FTCDNL1: variants seen among roughly 807,000 people sequenced by gnomAD.
FTCDNL1 encodes the protein formiminotransferase N-terminal subdomain-containing protein.
A neutral mutation model predicts 5.9 loss-of-function variants in FTCDNL1; 11 were observed. The observed-to-expected ratio is 1.87, with a 90% CI of 1.18 to 3.10. The LOEUF (loss-of-function observed/expected upper bound fraction) is 3.10. FTCDNL1 is among the 30% of genes most tolerant of loss of function. The pLI is 0.00. For synonymous variants in FTCDNL1, 58 were observed against 24.8 expected, an observed-to-expected ratio of 2.34 and a Z score of -3.99; for missense variants, 115 against 65.5, an observed-to-expected ratio of 1.76 and a Z score of -2.61.
intron 3 of FTCDNL1, among the ~76,000 whole-genome samples, chr2:199,828,685 T>G (rs1434610449): frequency 6.6e-6 from 1 of 152,238 alleles, no homozygotes; most frequent in African/African-American, 2.4e-5. Flanking sequence ...TAGACTTGTA[T>G]TAAATAATCT....
the FTCDNL1 span, among the ~76,000 whole-genome samples, chr2:199,678,107 C>T: frequency 6.6e-6 from 1 of 152,006 alleles, no homozygotes; most frequent in South Asian, 2.1e-4. Context: ...AACAGAGTCG[C>T]TTTGGGTTTA....
rs951460378 is a variant in FTCDNL1 at position 199,810,818 on chromosome 2, C to G, written c.*1887G>C. On this transcript the variant is annotated 3_prime_UTR_variant, in exon 5 of 5. Coordinates refer to ENST00000420128, the MANE Select transcript of FTCDNL1 (RefSeq NM_001363886.2). Reference sequence around the variant, plus strand: ...TCTTCAGCATGTGATCATTCCTTAGCTACTATTTCAACATTATTTTACTGT... The same window carrying G: ...TCTTCAGCATGTGATCATTCCTTAGGTACTATTTCAACATTATTTTACTGT... Among the ~76,000 whole-genome samples, 2 of 152,186 alleles carry G rather than the reference C, an allele frequency of 1.3e-5. No homozygotes were observed. The highest frequency in any genetic ancestry group is 3.8e-4 in the East Asian group (2 of 5,204).
At chr2:199,749,552 AAAG>A in the FTCDNL1 span, among the ~76,000 whole-genome samples, 2 of 152,296 alleles carry the variant, frequency 1.3e-5, no homozygotes, top group Non-Finnish European at 2.9e-5. Flanking sequence ...CTAAAAAAAA[AAAG>A]AGTATTTGCC....
At chr2:199,763,840 T>A (rs1223476017) in intron 3 of FTCDNL1, among the ~76,000 whole-genome samples, 1 of 152,170 alleles carries the variant, frequency 6.6e-6, no homozygotes, top group Non-Finnish European at 1.5e-5. Context: ...ATTTATTTTT[T>A]ATTTTTATTT....
At position 199,837,860 on chromosome 2, in the gene FTCDNL1, T is replaced by C. The variant is rs144256039; in HGVS notation, c.211+8215A>G. 6.8e-3 allele frequency among the ~76,000 whole-genome samples: 1,033 copies of C among 152,320 alleles called. 16 individuals carry two copies. Among genetic ancestry groups the C allele is most frequent in the African/African-American group, 0.023 (952 of 41,564 alleles). On this transcript the variant is annotated intron_variant, in intron 3 of 4. Transcript: ENST00000420128. ...AGTTGATACGGCATTGTGCAAACAT[T>C]CATTTGATCAATGACATGAAACAAA...
chr2:199,845,369 C>A (rs2106634426), intron 3 of FTCDNL1, among the ~76,000 whole-genome samples: 1 of 152,148 alleles, frequency 6.6e-6, no homozygotes, highest in East Asian at 1.9e-4. Context: ...GAGTTTGAGA[C>A]CAGCCTGGCC....
At position 199,846,129 on chromosome 2, in the gene FTCDNL1, C is replaced by T. The variant is rs376810547; in HGVS notation, c.157G>A (p.Asp53Asn). ...ATGACTGATCTCTTGTAGTCTTGATCGGAAAATATATTGAGCACTGAAACT... is the reference window on the plus strand; with the variant it reads ...ATGACTGATCTCTTGTAGTCTTGATTGGAAAATATATTGAGCACTGAAACT... ...PQVSVLNIFS[D>N]QDYKRSVITI... The change falls in exon 3 of 5, where the codon GAT (aspartate) becomes AAT (asparagine). Residue 53 changes from aspartate to asparagine, a missense_variant. By Grantham distance (23) the Asp-to-Asn change is conservative. Transcript: ENST00000420128. 21 of 699,612 alleles carry T rather than the reference C, an allele frequency of 3.0e-5. No individual in the cohort carries two copies. In the East Asian group the frequency reaches 3.2e-4, roughly 11 times the overall value. 43.3% of individuals were successfully genotyped at this position (699,612 alleles called of 1,614,324 possible).
intron 3 of FTCDNL1, among the ~76,000 whole-genome samples, chr2:199,792,911 G>A (rs1195706667): frequency 6.6e-6 from 1 of 152,010 alleles, no homozygotes; most frequent in Non-Finnish European, 1.5e-5. Context: ...GTTAAATTAA[G>A]GAACATATTT....
chr2:199,752,422 T>C, the FTCDNL1 span, among the ~76,000 whole-genome samples: 12 of 152,238 alleles, frequency 7.9e-5, no homozygotes, highest in Admixed American at 7.2e-4. Context: ...GGGATGTTTC[T>C]ATGAGGGTGT....
At chr2:199,760,052 C>T (rs940168992), downstream of FTCDNL1, among the ~76,000 whole-genome samples, 6 of 152,022 alleles carry the variant, frequency 3.9e-5, no homozygotes, top group African/African-American at 7.3e-5. Flanking sequence ...TCTTCAATAT[C>T]GTATATCACC....
the FTCDNL1 span, among the ~76,000 whole-genome samples, chr2:199,742,907 T>C: frequency 1.3e-5 from 2 of 152,168 alleles, no homozygotes; most frequent in Admixed American, 6.5e-5. Flanking sequence ...ACAAAGGAAC[T>C]ACAAATGGGT....
the FTCDNL1 span, among the ~76,000 whole-genome samples, chr2:199,671,679 T>A: frequency 7.9e-5 from 12 of 152,036 alleles, no homozygotes; most frequent in Admixed American, 7.2e-4. Context: ...GCTAGCTGAG[T>A]GGTCCATGTT....
chr2:199,763,737 A>C (rs978131093), intron 3 of FTCDNL1, among the ~76,000 whole-genome samples: 6 of 152,256 alleles, frequency 3.9e-5, no homozygotes, highest in Non-Finnish European at 8.8e-5. Context: ...AACTTTAAGG[A>C]TTTACAGTCA....
the FTCDNL1 span, among the ~76,000 whole-genome samples, chr2:199,705,808 T>C: frequency 6.6e-6 from 1 of 152,294 alleles, no homozygotes; most frequent in South Asian, 2.1e-4. Context: ...AAAGATGTAC[T>C]TGGGGAAATA....
chr2:199,740,040 C>G, the FTCDNL1 span, among the ~76,000 whole-genome samples: 1 of 152,086 alleles, frequency 6.6e-6, no homozygotes, highest in African/African-American at 2.4e-5. Context: ...AGAAGAACTT[C>G]GAGGGTGGAA....
chr2:199,760,177 G>C (rs11894129), downstream of FTCDNL1, among the ~76,000 whole-genome samples: 2 of 150,796 alleles, frequency 1.3e-5, no homozygotes, highest in Non-Finnish European at 3.0e-5. Flanking sequence ...CGGGGGAGTC[G>C]TAAGGAAGAA....
the FTCDNL1 span, among the ~76,000 whole-genome samples, chr2:199,670,774 G>A: frequency 3.9e-5 from 6 of 152,254 alleles, no homozygotes; most frequent in East Asian, 3.9e-4. Context: ...ACTAGAGCAG[G>A]CTGAGATGCA....
the FTCDNL1 span, among the ~76,000 whole-genome samples, chr2:199,741,055 C>T: frequency 1.8e-3 from 267 of 152,206 alleles, no homozygotes; most frequent in Non-Finnish European, 3.2e-3. Context: ...GGAATTATGA[C>T]CTCCCCTCTA....
chr2:199,665,477 C>CA, the FTCDNL1 span, among the ~76,000 whole-genome samples: 1,788 of 151,590 alleles, frequency 0.012, 31 homozygotes, highest in African/African-American at 0.041. Context: ...ACTAAAAATA[C>CA]AAAAAAATTA....
Sources: gnomAD v4.1 joint callset for allele counts (sites outside exome capture counted in the v4.1 genomes callset) on GRCh38, gnomAD v4.1.1 for gene constraint, MANE v1.5 for transcripts, NCBI Gene and HGNC (gene_info 2026-07-23, HGNC 2026-07-21) for gene names.